CAMTA1: variants seen among roughly 807,000 people sequenced by gnomAD.
CAMTA1 encodes calmodulin binding transcription activator 1, also known as calmodulin-binding transcription activator 1.
In CAMTA1, 27 loss-of-function variants were observed where a neutral mutation model predicts 170.9. The ratio of observed to expected loss-of-function variants is 0.16; its 90% CI spans 0.12 to 0.22. The LOEUF (loss-of-function observed/expected upper bound fraction) is 0.22. CAMTA1 is among the 10% of genes least tolerant of loss of function. The pLI is 1.00. For synonymous variants in CAMTA1, 833 were observed against 891.5 expected, an observed-to-expected ratio of 0.93 and a Z score of 1.17; for missense variants, 1,619 against 2,217.2, an observed-to-expected ratio of 0.73 and a Z score of 5.42.
intron 6 of CAMTA1, among the ~76,000 whole-genome samples, chr1:7,586,534 G>A (rs1163444756): frequency 1.3e-5 from 2 of 152,130 alleles, no homozygotes; most frequent in Non-Finnish European, 2.9e-5. Flanking sequence ...GTGAAGCCCT[G>A]CTCCAGGGCC....
intron 5 of CAMTA1, among the ~76,000 whole-genome samples, chr1:7,464,094 C>T (rs2093155973): frequency 6.6e-6 from 1 of 152,186 alleles, no homozygotes; most frequent in Non-Finnish European, 1.5e-5. Context: ...CCTTAATTCC[C>T]CAATACAACT....
intron 9 of CAMTA1, among the ~76,000 whole-genome samples, chr1:7,666,133 C>T (rs963223519): frequency 2.0e-5 from 3 of 151,120 alleles, no homozygotes; most frequent in African/African-American, 4.9e-5. Context: ...CACGCCACTG[C>T]ACTCCAGCCT....
At chr1:7,644,760 T>G (rs147086702) in intron 7 of CAMTA1, among the ~76,000 whole-genome samples, 10 of 152,358 alleles carry the variant, frequency 6.6e-5, no homozygotes, top group Admixed American at 2.6e-4. Flanking sequence ...TACTCCTAGT[T>G]GCAAGAGAGT....
chr1:7,153,812 G>C (rs1646714259), intron 4 of CAMTA1, among the ~76,000 whole-genome samples: 1 of 152,190 alleles, frequency 6.6e-6, no homozygotes, highest in Non-Finnish European at 1.5e-5. Context: ...ACGCATTCTA[G>C]GTCTTGGGAG....
At chr1:7,058,010 A>T (rs1425232616) in intron 3 of CAMTA1, among the ~76,000 whole-genome samples, 3 of 152,202 alleles carry the variant, frequency 2.0e-5, no homozygotes, top group Non-Finnish European at 4.4e-5. Context: ...TTCCAGAGGC[A>T]GGGAGGGGAC....
intron 5 of CAMTA1, among the ~76,000 whole-genome samples, chr1:7,291,651 G>T (rs1412926275): frequency 6.6e-6 from 1 of 152,244 alleles, no homozygotes; most frequent in Non-Finnish European, 1.5e-5. Context: ...CACTCACTGG[G>T]CTTTAAGCCT....
chr1:7,285,899 T>TGACC (rs1224226988), intron 5 of CAMTA1, among the ~76,000 whole-genome samples: 1 of 152,094 alleles, frequency 6.6e-6, no homozygotes, highest in Non-Finnish European at 1.5e-5. Flanking sequence ...ATGATAGGGG[T>TGACC]GACCATGTAC....
chr1:7,715,850 A>G (rs2096605859), intron 11 of CAMTA1, among the ~76,000 whole-genome samples: 1 of 152,214 alleles, frequency 6.6e-6, no homozygotes, highest in Admixed American at 6.5e-5. Flanking sequence ...ACATGAAAGA[A>G]TCCTCACAAG....
chr1:7,627,788 C>G (rs1361710071), intron 6 of CAMTA1, among the ~76,000 whole-genome samples: 1 of 152,166 alleles, frequency 6.6e-6, no homozygotes, highest in Non-Finnish European at 1.5e-5. Context: ...GGGCCATAAC[C>G]AGTTCTACCT....
Position 6,934,561 on chromosome 1 carries a change from GTC to G in CAMTA1, c.234+109355_234+109356del, listed in dbSNP as rs1389527413. Among the ~76,000 whole-genome samples, 3 of 152,336 alleles carry G rather than the reference GTC, an allele frequency of 2.0e-5. No individual in the cohort carries two copies. The East Asian group carries it at 5.8e-4, about 29-fold the overall frequency. On this transcript the variant is annotated intron_variant, in intron 3 of 22. Coordinates refer to ENST00000303635, the MANE Select transcript of CAMTA1 (RefSeq NM_015215.4). The surrounding 1 kb of genome is among the most constrained non-coding windows in gnomAD (Gnocchi z 4.5). ...GTGGACCCGCTTGGGCTAGCTGCGT[GTC>G]TCTGTGTGTTGCTGGCTGTGACAGG... is the stretch of plus-strand genomic sequence containing the variant.
chr1:7,289,887 C>T (rs1224019790), intron 5 of CAMTA1, among the ~76,000 whole-genome samples: 3 of 152,158 alleles, frequency 2.0e-5, no homozygotes, highest in Non-Finnish European at 4.4e-5. Flanking sequence ...CGTGGTCTTA[C>T]CAACACCTTA....
At chr1:7,499,157 T>G (rs1330866156) in intron 6 of CAMTA1, among the ~76,000 whole-genome samples, 1 of 93,828 alleles carries the variant, frequency 1.1e-5, no homozygotes, top group Non-Finnish European at 2.1e-5. Flanking sequence ...CGTATATGAG[T>G]GTGTGTGTGC....
chr1:6,939,912 G>C (rs911582615), intron 3 of CAMTA1, among the ~76,000 whole-genome samples: 31 of 152,282 alleles, frequency 2.0e-4, no homozygotes, highest in African/African-American at 7.5e-4. Context: ...GCCGGGCACA[G>C]AGCAGGCATG....
intron 5 of CAMTA1, among the ~76,000 whole-genome samples, chr1:7,365,177 G>C (rs1418490): frequency 6.6e-6 from 1 of 152,184 alleles, no homozygotes; most frequent in Non-Finnish European, 1.5e-5. Context: ...CCCAGTGGAC[G>C]CTGAATTCCA....
At position 7,685,148 on chromosome 1, in the gene CAMTA1, G is replaced by A. The variant is rs1037216438; in HGVS notation, c.2914+7415G>A. Among the ~76,000 whole-genome samples the A allele has an allele frequency of 3.3e-5, 5 of 151,972 alleles. No homozygotes were observed. Among genetic ancestry groups the A allele is most frequent in the African/African-American group, 9.7e-5 (4 of 41,366 alleles). On this transcript the variant is annotated intron_variant, in intron 11 of 22. Transcript: ENST00000303635. The surrounding 1 kb of genome is among the most constrained non-coding windows in gnomAD (Gnocchi z 5.7). ...ACAGGTGGTGTGTTTTGAGGAGTTC[G>A]CAGGCACCGTCCTGAGGTCACAGGT...
intron 6 of CAMTA1, among the ~76,000 whole-genome samples, chr1:7,622,459 A>G (rs1187699547): frequency 6.6e-6 from 1 of 152,246 alleles, no homozygotes; most frequent in Non-Finnish European, 1.5e-5. Flanking sequence ...TTCCAAAGTT[A>G]GTATCCGCTA....
At chr1:7,228,869 C>A (rs1166320613) in intron 4 of CAMTA1, among the ~76,000 whole-genome samples, 1 of 152,136 alleles carries the variant, frequency 6.6e-6, no homozygotes, top group African/African-American at 2.4e-5. Context: ...TGTGCTGTGA[C>A]ACCAAGGCCT....
intron 3 of CAMTA1, among the ~76,000 whole-genome samples, chr1:6,884,291 GACACACACACACAC>G (rs112571156): frequency 5.3e-4 from 72 of 136,654 alleles, no homozygotes; most frequent in South Asian, 1.5e-3. Flanking sequence ...ATTCTCTAGA[GACACACACACACAC>G]ACACACACAC....
chr1:7,653,538 G>A (rs1168708508), intron 7 of CAMTA1, among the ~76,000 whole-genome samples: 1 of 152,154 alleles, frequency 6.6e-6, no homozygotes, highest in African/African-American at 2.4e-5. Flanking sequence ...GCTGGCATGA[G>A]CCACCACACC....
Sources: allele counts gnomAD v4.1 joint callset (sites outside exome capture counted in the v4.1 genomes callset), GRCh38; gene constraint gnomAD v4.1.1; non-coding constraint Gnocchi (gnomAD v3.1); transcripts MANE v1.5; gene names NCBI Gene and HGNC (gene_info 2026-07-23, HGNC 2026-07-21).